The following CEP164 variants were observed in gnomAD, a reference collection of about 807,000 sequenced individuals.
The protein encoded by CEP164 is centrosomal protein 164, also known as centrosomal protein of 164 kDa.
In CEP164, 162 loss-of-function variants were observed where a neutral mutation model predicts 182.7. The ratio of observed to expected loss-of-function variants is 0.89; its 90% CI spans 0.78 to 1.01. The LOEUF is 1.01. Ranked by LOEUF, CEP164 falls within the 50% of genes least tolerant of loss-of-function variation. The probability of loss-of-function intolerance (pLI) is 0.00; values close to 1 mark genes in which losing one functional copy is unlikely to be tolerated. For synonymous variants in CEP164, 661 were observed against 690.0 expected (o/e 0.96, Z 0.66); for missense variants, 1,735 against 1,790.4 (o/e 0.97, Z 0.56).
chr11:117,382,442 C>T (rs2043430873), intron 13 of CEP164, among the ~76,000 whole-genome samples: 1 of 152,114 alleles, frequency 6.6e-6, no homozygotes, highest in Admixed American at 6.5e-5. Flanking sequence ...TGTCTGTCCC[C>T]CTAGCAAGAG....
intron 15 of CEP164, 105 bp from the exon 16 acceptor site, chr11:117,390,672 C>G: frequency 7.7e-7 from 1 of 1,303,810 alleles, no homozygotes; most frequent in Non-Finnish European, 1.1e-6. Context: ...TAGGAAGTTT[C>G]TTAGGCAGGC....
chr11:117,381,596 C>A, intron 12 of CEP164, 105 bp from the exon 13 acceptor site: 2 of 1,337,146 alleles, frequency 1.5e-6, no homozygotes, highest in Admixed American at 2.6e-5. Flanking sequence ...TGGAGCATAA[C>A]CCAGGAGGAG....
intron 15 of CEP164, among the ~76,000 whole-genome samples, chr11:117,389,696 GT>G (rs1013390162): frequency 6.6e-6 from 1 of 152,204 alleles, no homozygotes; most frequent in African/African-American, 2.4e-5. Context: ...ATGAATATGG[GT>G]TTGCCAGATA....
chr11:117,341,370 A>G (rs191494199), intron 3 of CEP164, among the ~76,000 whole-genome samples: 139 of 151,916 alleles, frequency 9.1e-4, no homozygotes, highest in African/African-American at 3.2e-3. Flanking sequence ...TATACTCAAC[A>G]TAACACCCTT....
intron 1 of CEP164, among the ~76,000 whole-genome samples, chr11:117,330,100 C>G (rs2035962078): frequency 6.6e-6 from 1 of 152,054 alleles, no homozygotes; most frequent in African/African-American, 2.4e-5. Flanking sequence ...CTCCGCTTAT[C>G]CTGGGGATCA....
intron 4 of CEP164, among the ~76,000 whole-genome samples, chr11:117,351,044 T>C (rs755244074): frequency 2.1e-4 from 32 of 152,216 alleles, no homozygotes; most frequent in Non-Finnish European, 4.0e-4. Flanking sequence ...TTTTGTTTGT[T>C]TTTTTGAGAT....
chr11:117,381,860 C>G lies in CEP164; in HGVS notation c.1569C>G (p.Ser523=), dbSNP rs747829353. Residue 523 remains serine (S), a synonymous_variant, in exon 13 of 33, where the codon TCC becomes TCG. Coordinates refer to ENST00000278935, the MANE Select transcript of CEP164 (RefSeq NM_014956.5). ...CAGCCAGCCTCAGCCTGCAGCTGTC[C>G]CTCCAGAGGTAAGGATGAGGGGAAG... The part of the protein sequence containing the change: ...DSAASLSLQL[S]LQREQAPSPP... The G allele has an allele frequency of 8.0e-6, 12 of 1,503,294 alleles. No individual in the cohort carries two copies. The highest frequency in any genetic ancestry group is 9.8e-6 in the Non-Finnish European group (11 of 1,125,068). 93.1% of individuals were successfully genotyped at this position (1,503,294 alleles called of 1,614,324 possible). A position where few individuals can be genotyped will look rare whatever the true frequency, so the allele number is the denominator to read the frequency against.
At chr11:117,358,483 C>T (rs2135585459) in intron 5 of CEP164, among the ~76,000 whole-genome samples, 1 of 151,282 alleles carries the variant, frequency 6.6e-6, no homozygotes, top group East Asian at 1.9e-4. Context: ...GAGGGGCATG[C>T]CTGGTTTGCC....
intron 27 of CEP164, among the ~76,000 whole-genome samples, chr11:117,402,445 T>C (rs1221682570): frequency 6.6e-6 from 1 of 152,130 alleles, no homozygotes; most frequent in East Asian, 1.9e-4. Context: ...GGTCTCGAGC[T>C]CCTGACCTCA....
chr11:117,338,140 C>T lies in CEP164; in HGVS notation c.-21-426C>T, dbSNP rs74508401. On this transcript the variant is annotated intron_variant, in intron 2 of 32. Coordinates refer to ENST00000278935, the MANE Select transcript of CEP164 (RefSeq NM_014956.5). ...TCCTGAGGGCATTTTGGATATGAAT[C>T]GGGACATCCAGATGGGCATATGTGT... 3.3e-3 allele frequency among the ~76,000 whole-genome samples: 500 copies of T among 152,234 alleles called. 7 individuals carry two copies. Among genetic ancestry groups the T allele is most frequent in the African/African-American group, 0.012 (481 of 41,548 alleles).
chr11:117,392,875 T>G, intron 19 of CEP164, 129 bp from the exon 20 acceptor site: 2 of 1,406,596 alleles, frequency 1.4e-6, no homozygotes, highest in Non-Finnish European at 9.8e-7. Context: ...GTCATGGCTG[T>G]GTGATGTGCA....
intron 5 of CEP164, chr11:117,355,573 C>T (rs1319641977): frequency 1.6e-6 from 2 of 1,222,922 alleles, no homozygotes; most frequent in East Asian, 5.8e-5. Context: ...CCTCCCTGTC[C>T]TCTTGTTCTT....
Position 117,397,312 on chromosome 11 carries a change from AG to A in CEP164, c.3501+1del, listed in dbSNP as rs1301631976. 1 of 1,610,606 alleles carries A rather than the reference AG, an allele frequency of 6.2e-7. No homozygotes were observed. The highest frequency in any genetic ancestry group is 8.5e-7 in the Non-Finnish European group (1 of 1,178,818). The stretch of plus-strand genomic sequence containing the variant: ...GAAGATATGCGCAAGAACCTGGAGA[AG>A]GTCAGGAGCTTTGGGAAGGGCCTGC... ...ALEDMRKNLE[K>X]ETRHLDEMKS... is the part of the protein sequence containing the mutation. On this transcript the variant is annotated frameshift_variant and splice_region_variant, in exon 27 of 33. Transcript: ENST00000278935. LOFTEE classifies it high-confidence loss of function.
In CEP164 at chr11:117,411,550, G is replaced by T; in HGVS notation, c.4164-245G>T. 2.2e-6 allele frequency: 1 copy of T among 455,408 alleles called. No homozygotes were observed. The highest frequency in any genetic ancestry group is 4.0e-6 in the Non-Finnish European group (1 of 251,134). 28.2% of individuals were successfully genotyped at this position (455,408 alleles called of 1,614,324 possible). A position where few individuals can be genotyped will look rare whatever the true frequency, so the allele number is the denominator to read the frequency against. On this transcript the variant is annotated intron_variant, in intron 31 of 32. Coordinates refer to ENST00000278935, the MANE Select transcript of CEP164 (RefSeq NM_014956.5). This position sits in a 1 kb window ranked among gnomAD's most constrained non-coding sequence, Gnocchi z 4.4. The stretch of plus-strand genomic sequence containing the variant: ...AGATTGGCGGGAGCAGGCGGATGTG[G>T]GAGCCCAGAGCCTTGTATCAGTAGC...
At chr11:117,330,861 T>G (rs574827327) in intron 1 of CEP164, among the ~76,000 whole-genome samples, 6 of 152,276 alleles carry the variant, frequency 3.9e-5, no homozygotes, top group Non-Finnish European at 7.4e-5. Context: ...TCACAACACA[T>G]TGTGATGGAT....
chr11:117,367,244 C>A (rs1050634188), intron 8 of CEP164, among the ~76,000 whole-genome samples: 1 of 152,218 alleles, frequency 6.6e-6, no homozygotes, highest in African/African-American at 2.4e-5. Context: ...TCATGTACAT[C>A]CATTTGTGGA....
chr11:117,383,789 C>T (rs2043620887), intron 14 of CEP164, among the ~76,000 whole-genome samples: 1 of 152,208 alleles, frequency 6.6e-6, no homozygotes, highest in African/African-American at 2.4e-5. Context: ...GTAATCCCAG[C>T]ACTCTGGGAG....
At position 117,394,782 on chromosome 11, in the gene CEP164, C is replaced by A; in HGVS notation, c.2761-138C>A. On this transcript the variant is annotated intron_variant, in intron 21 of 32. Coordinates refer to ENST00000278935, the MANE Select transcript of CEP164 (RefSeq NM_014956.5). This position sits in a 1 kb window ranked among gnomAD's most constrained non-coding sequence, Gnocchi z 4.0. ...CAAGGTGTGGAGCCTTCCTGGGAGG[C>A]TGCAGGGGCACACAGCGAGGAAGCC... The A allele has an allele frequency of 1.0e-6, 1 of 971,870 alleles. No individual in the cohort carries two copies. The allele number at this position is 971,870 out of a possible 1,614,324, so 60.2% of individuals were successfully genotyped here. A position where few individuals can be genotyped will look rare whatever the true frequency, so the allele number is the denominator to read the frequency against.
intron 5 of CEP164, among the ~76,000 whole-genome samples, chr11:117,357,993 A>G (rs486366): frequency 0.22 from 33,002 of 152,178 alleles, 3,745 homozygotes; most frequent in African/African-American, 0.27. Flanking sequence ...ATCAGAGACC[A>G]TGGGGATCAA....
Sources: gnomAD v4.1 joint callset for allele counts (sites outside exome capture counted in the v4.1 genomes callset) on GRCh38, gnomAD v4.1.1 for gene constraint, Gnocchi (gnomAD v3.1) non-coding constraint, MANE v1.5 for transcripts, NCBI Gene and HGNC (gene_info 2026-07-23, HGNC 2026-07-21) for gene names.